The following ITGA9 variants were observed in gnomAD, a reference collection of about 807,000 sequenced individuals.
The protein encoded by ITGA9 is integrin alpha-9.
ITGA9 carries 56 observed loss-of-function variants against 127.8 expected under a neutral mutation model. The observed-to-expected ratio is 0.44, with a 90% confidence interval of 0.35 to 0.55. The LOEUF (loss-of-function observed/expected upper bound fraction) is 0.55, where lower values mean the gene tolerates loss of function less well. Among genes scored for constraint, ITGA9 ranks in the 20% least tolerant of loss-of-function variants. The probability of loss-of-function intolerance (pLI) is 0.00; values close to 1 mark genes in which losing one functional copy is unlikely to be tolerated. For missense variants in ITGA9, 1,196 were observed against 1,347.1 expected, an observed-to-expected ratio of 0.89 and a Z score of 1.76; for synonymous variants, 508 against 514.5, an observed-to-expected ratio of 0.99 and a Z score of 0.17.
At position 37,741,803 on chromosome 3, in the gene ITGA9, G is replaced by A; in HGVS notation, c.2308G>A (p.Asp770Asn). Residue 770 changes from aspartate (D) to asparagine (N), a missense_variant, in exon 21 of 28, where the codon GAC (aspartate) becomes AAC (asparagine). By Grantham distance (23) the Asp-to-Asn change is conservative (BLOSUM62 1). Transcript: ENST00000264741. The part of the protein sequence containing the change: ...VLMVPLMHEV[D>N]TSITGIMSPT... ...GATGGTGCCACTGATGCACGAGGTG[G>A]ACACGTCCATCACCGGGTGAGTAGC... 1 of 1,613,492 alleles carries A rather than the reference G, an allele frequency of 6.2e-7. No homozygotes were observed. Among genetic ancestry groups the A allele is most frequent in the Middle Eastern group, 1.6e-4 (1 of 6,062 alleles).
At chr3:37,685,762 A>G (rs181478989) in intron 18 of ITGA9, among the ~76,000 whole-genome samples, 1 of 152,232 alleles carries the variant, frequency 6.6e-6, no homozygotes, top group Admixed American at 6.5e-5. Context: ...TTGCCTGAGA[A>G]TTTTGGCTTG....
chr3:37,573,654 G>A (rs1699623858), intron 15 of ITGA9, among the ~76,000 whole-genome samples: 1 of 152,178 alleles, frequency 6.6e-6, no homozygotes, highest in Admixed American at 6.5e-5. Context: ...CTGATTCCTA[G>A]TGAGATTTCC....
In ITGA9 at chr3:37,822,937, A is replaced by G. The variant is rs567031217; in HGVS notation, c.*3948A>G. On this transcript the variant is annotated 3_prime_UTR_variant, in exon 28 of 28. Coordinates refer to ENST00000264741, the MANE Select transcript of ITGA9 (RefSeq NM_002207.3). ...GATTGTCACTTGGAGCCTTTAGTAG[A>G]CAAAAGGCAGAAAGTGAGCATCATT... is the stretch of plus-strand genomic sequence containing the variant. The G allele has an allele frequency of 1.3e-5, 2 of 152,362 alleles. No homozygotes were observed. 9.4% of individuals were successfully genotyped at this position (152,362 alleles called of 1,614,324 possible). A position where few individuals can be genotyped will look rare whatever the true frequency, so the allele number is the denominator to read the frequency against.
chr3:37,603,073 C>T (rs1283080691), intron 15 of ITGA9, among the ~76,000 whole-genome samples: 3 of 152,212 alleles, frequency 2.0e-5, no homozygotes, highest in African/African-American at 7.2e-5. Flanking sequence ...GCACGCTACA[C>T]CCTAGCCTTT....
chr3:37,534,153 A>ACTCT (rs1479534914), intron 14 of ITGA9, among the ~76,000 whole-genome samples: 10 of 152,232 alleles, frequency 6.6e-5, no homozygotes, highest in African/African-American at 2.4e-4. Flanking sequence ...GATCACCTGA[A>ACTCT]GGAAATGAAT....
At chr3:37,658,361 G>A (rs1700498338) in intron 17 of ITGA9, among the ~76,000 whole-genome samples, 1 of 152,172 alleles carries the variant, frequency 6.6e-6, no homozygotes, top group South Asian at 2.1e-4. Context: ...TTATGAATCT[G>A]TGTGCTCCTG....
At chr3:37,731,670 T>C (rs1696294310) in intron 18 of ITGA9, among the ~76,000 whole-genome samples, 1 of 152,214 alleles carries the variant, frequency 6.6e-6, no homozygotes. Context: ...CTGTGTAACC[T>C]GCACTCAGAA....
At chr3:37,681,445 G>A (rs1255279194) in intron 17 of ITGA9, among the ~76,000 whole-genome samples, 1 of 152,126 alleles carries the variant, frequency 6.6e-6, no homozygotes, top group African/African-American at 2.4e-5. Context: ...ATCACCCTTA[G>A]ATCACATGAT....
At chr3:37,665,927 A>C (rs1485304221) in intron 17 of ITGA9, among the ~76,000 whole-genome samples, 9 of 152,204 alleles carry the variant, frequency 5.9e-5, no homozygotes. Flanking sequence ...TCTGGGAAAG[A>C]CATCGAAGGG....
chr3:37,768,471 CAG>C (rs1696804378), intron 23 of ITGA9, among the ~76,000 whole-genome samples: 1 of 152,150 alleles, frequency 6.6e-6, no homozygotes, highest in African/African-American at 2.4e-5. Flanking sequence ...CCTTGGTTCT[CAG>C]AGTAGGCAAT....
chr3:37,587,930 A>C (rs931597514), intron 15 of ITGA9, among the ~76,000 whole-genome samples: 15 of 152,210 alleles, frequency 9.9e-5, no homozygotes, highest in Admixed American at 7.8e-4. Flanking sequence ...GTTAGCATCC[A>C]GAGTGGCATG....
At chr3:37,574,635 A>G (rs180910126) in intron 15 of ITGA9, among the ~76,000 whole-genome samples, 1 of 152,190 alleles carries the variant, frequency 6.6e-6, no homozygotes. Flanking sequence ...TTAGCCCCAC[A>G]GTTGATTTCT....
At chr3:37,615,930 A>AT (rs912982228) in intron 15 of ITGA9, among the ~76,000 whole-genome samples, 28 of 152,032 alleles carry the variant, frequency 1.8e-4, no homozygotes, top group African/African-American at 4.3e-4. Context: ...GGATTCATTG[A>AT]TTTTTTTGAA....
chr3:37,739,494 T>C (rs982217373), intron 20 of ITGA9, among the ~76,000 whole-genome samples: 7 of 152,180 alleles, frequency 4.6e-5, no homozygotes, highest in Admixed American at 1.3e-4. Context: ...AAAACTACAG[T>C]TAAAATCTCA....
At chr3:37,620,105 GGAGT>G (rs528845534) in intron 15 of ITGA9, among the ~76,000 whole-genome samples, 123 of 152,294 alleles carry the variant, frequency 8.1e-4, no homozygotes, top group Non-Finnish European at 1.2e-3. Context: ...TAACATCACA[GGAGT>G]GAGAACCATC....
In ITGA9 at chr3:37,484,271, G is replaced by A. The variant is rs141191966; in HGVS notation, c.544+2664G>A. 7.2e-5 allele frequency among the ~76,000 whole-genome samples: 11 copies of A among 152,296 alleles called. No individual in the cohort carries two copies. In the East Asian group the frequency reaches 2.1e-3, roughly 29 times the overall value. ...ATGGGGGACTAAATTGAAAGTTTCT[G>A]TAGTTCTTGGCCCTGTAAGAGGAGA... On this transcript the variant is annotated intron_variant, in intron 4 of 27. Coordinates refer to ENST00000264741, the MANE Select transcript of ITGA9 (RefSeq NM_002207.3).
At chr3:37,638,451 G>GAAAA (rs35047739) in intron 16 of ITGA9, among the ~76,000 whole-genome samples, 17 of 127,618 alleles carry the variant, frequency 1.3e-4, no homozygotes, top group Non-Finnish European at 1.5e-4. Flanking sequence ...TGATTATGGG[G>GAAAA]AAAAAAAAAA....
intron 5 of ITGA9, 35 bp from the exon 6 acceptor site, chr3:37,503,143 C>A: frequency 6.2e-7 from 1 of 1,612,526 alleles, no homozygotes. Flanking sequence ...CTCCTCACTT[C>A]CTTCTCTGCT....
At chr3:37,517,396 T>C in intron 9 of ITGA9, 108 bp from the exon 10 acceptor site, 3 of 843,814 alleles carry the variant, frequency 3.6e-6, no homozygotes, top group Non-Finnish European at 5.8e-6. Flanking sequence ...TGTCAATGAG[T>C]GTGCTCTAGC....
Sources: gnomAD v4.1 joint callset for allele counts (sites outside exome capture counted in the v4.1 genomes callset) on GRCh38, gnomAD v4.1.1 for gene constraint, MANE v1.5 for transcripts, NCBI Gene and HGNC (gene_info 2026-07-23, HGNC 2026-07-21) for gene names.